The following ERMP1 variants were observed in gnomAD, a reference collection of about 807,000 sequenced individuals.
ERMP1 encodes endoplasmic reticulum metallopeptidase 1, also known as Felix-ina.
Under a neutral mutation model 92.0 loss-of-function variants are expected in ERMP1, and 86 were observed. That is an observed-to-expected ratio of 0.93 (90% CI 0.79 to 1.12). ERMP1 has a LOEUF of 1.12. Ranked by LOEUF, ERMP1 falls within the 50% of genes most tolerant of loss-of-function variation. The pLI is 0.00. For synonymous variants in ERMP1, 530 were observed against 412.8 expected (o/e 1.28, Z -3.44); for missense variants, 1,342 against 1,116.3 (o/e 1.20, Z -2.88).
At chr9:5,796,653 C>G (rs1828435158) in intron 13 of ERMP1, among the ~76,000 whole-genome samples, 1 of 152,088 alleles carries the variant, frequency 6.6e-6, no homozygotes, top group Admixed American at 6.5e-5. Flanking sequence ...GTGCTTCCAG[C>G]TATATGATAC....
chr9:5,825,943 A>G (rs1829717697), intron 2 of ERMP1, among the ~76,000 whole-genome samples: 1 of 152,230 alleles, frequency 6.6e-6, no homozygotes, highest in African/African-American at 2.4e-5. Context: ...GTAAGAGACA[A>G]TTAAAGGAAT....
At chr9:5,796,509 A>C (rs1828430490) in intron 13 of ERMP1, among the ~76,000 whole-genome samples, 2 of 152,188 alleles carry the variant, frequency 1.3e-5, no homozygotes, top group African/African-American at 2.4e-5. Flanking sequence ...AATATGGATA[A>C]CTGCTGTACA....
chr9:5,848,684 C>A (rs1416110737), intron 6 of ERMP1, among the ~76,000 whole-genome samples: 2 of 101,318 alleles, frequency 2.0e-5, no homozygotes, highest in East Asian at 6.0e-4. Flanking sequence ...TAAATGACCT[C>A]TCTCTACCTC....
intron 4 of ERMP1, 111 bp downstream of exon 4, chr9:5,823,785 G>C (rs1586815618): frequency 1.3e-6 from 1 of 761,682 alleles, no homozygotes; most frequent in Non-Finnish European, 2.1e-6. Context: ...GCTTTAAAAA[G>C]AATGCTCATT....
chr9:5,841,166 C>T (rs1034269815), intron 6 of ERMP1, among the ~76,000 whole-genome samples: 1 of 152,126 alleles, frequency 6.6e-6, no homozygotes, highest in African/African-American at 2.4e-5. Flanking sequence ...CTTTAGTTCC[C>T]CTTGGTACAT....
rs189054579 is a variant in ERMP1 at position 5,832,160 on chromosome 9, G to A, written c.338+530C>T. ...CTAAAGATAAACTGCAGGGATCTGA[G>A]AATTTATCAGACTGCATACCAAATT... On this transcript the variant is annotated intron_variant, in intron 1 of 14. Coordinates refer to ENST00000339450, the MANE Select transcript of ERMP1 (RefSeq NM_024896.3). 1.3e-3 allele frequency among the ~76,000 whole-genome samples: 198 copies of A among 151,918 alleles called. 1 individual carries two copies. The highest frequency in any genetic ancestry group is 4.6e-3 in the African/African-American group (190 of 41,420).
intron 5 of ERMP1, 127 bp downstream of exon 5, chr9:5,812,762 C>A: frequency 9.9e-7 from 1 of 1,011,148 alleles, no homozygotes; most frequent in Non-Finnish European, 1.6e-6. Context: ...TTTAGTGAGT[C>A]AATGTATATT....
At chr9:5,789,769 G>C (rs1291651990) in intron 13 of ERMP1, among the ~76,000 whole-genome samples, 3 of 151,844 alleles carry the variant, frequency 2.0e-5, no homozygotes, top group Non-Finnish European at 4.4e-5. Flanking sequence ...CTGCAGCCTT[G>C]ACTTCCTTGG....
intron 6 of ERMP1, among the ~76,000 whole-genome samples, chr9:5,842,882 G>A (rs34384231): frequency 0.019 from 2,902 of 152,284 alleles, 33 homozygotes; most frequent in Middle Eastern, 0.024. Flanking sequence ...TAAGGAAATC[G>A]CTTAATTCAT....
At chr9:5,847,477 G>T (rs1830251283) in intron 6 of ERMP1, among the ~76,000 whole-genome samples, 1 of 152,078 alleles carries the variant, frequency 6.6e-6, no homozygotes, top group African/African-American at 2.4e-5. Context: ...GAGCTCAAGT[G>T]ATCACCTGCC....
chr9:5,801,152 A>T, intron 11 of ERMP1, 24 bp downstream of exon 11: 2 of 1,596,964 alleles, frequency 1.3e-6, no homozygotes, highest in Non-Finnish European at 1.7e-6. Context: ...CCAGATCTCA[A>T]ATACCTCATG....
intron 6 of ERMP1, among the ~76,000 whole-genome samples, chr9:5,855,255 A>T (rs1484979653): frequency 6.6e-6 from 1 of 152,222 alleles, no homozygotes; most frequent in Non-Finnish European, 1.5e-5. Context: ...AGTATGGATG[A>T]AGCAAAAAAG....
chr9:5,807,223 A>G (rs1231179084), intron 8 of ERMP1, among the ~76,000 whole-genome samples: 2 of 152,154 alleles, frequency 1.3e-5, no homozygotes, highest in Non-Finnish European at 2.9e-5. Context: ...TTCTCACAAA[A>G]TCACAAATTC....
At chr9:5,845,256 T>G (rs1005757460) in intron 6 of ERMP1, among the ~76,000 whole-genome samples, 1 of 152,118 alleles carries the variant, frequency 6.6e-6, no homozygotes, top group Non-Finnish European at 1.5e-5. Flanking sequence ...TGACAAATTA[T>G]CTGTGCTCTT....
intron 8 of ERMP1, among the ~76,000 whole-genome samples, chr9:5,808,894 T>A (rs896210206): frequency 6.6e-6 from 1 of 151,894 alleles, no homozygotes; most frequent in Non-Finnish European, 1.5e-5. Context: ...CACACCACCA[T>A]GCCTGGCTAA....
intron 2 of ERMP1, among the ~76,000 whole-genome samples, chr9:5,828,400 T>G (rs777345881): frequency 6.6e-6 from 1 of 152,222 alleles, no homozygotes; most frequent in East Asian, 1.9e-4. Flanking sequence ...GTGTCCCCAC[T>G]TCCCCTTTCC....
intron 10 of ERMP1, among the ~76,000 whole-genome samples, chr9:5,802,423 C>A (rs1828706341): frequency 6.6e-6 from 1 of 152,142 alleles, no homozygotes; most frequent in Non-Finnish European, 1.5e-5. Flanking sequence ...CTCGCTCTGT[C>A]ACCCAGGCTG....
intron 3 of ERMP1, 86 bp from the exon 4 acceptor site, chr9:5,824,087 T>A: frequency 1.0e-6 from 1 of 970,162 alleles, no homozygotes; most frequent in Non-Finnish European, 1.6e-6. Flanking sequence ...AGAGACTACT[T>A]TGATGAGGTA....
chr9:5,803,089 A>G (rs1361099802), intron 10 of ERMP1, among the ~76,000 whole-genome samples: 1 of 152,152 alleles, frequency 6.6e-6, no homozygotes, highest in Non-Finnish European at 1.5e-5. Context: ...CAAGACTTTA[A>G]TTGCTTTCTA....
Sources: gnomAD v4.1 joint callset for allele counts (sites outside exome capture counted in the v4.1 genomes callset) on GRCh38, gnomAD v4.1.1 for gene constraint, MANE v1.5 for transcripts, NCBI Gene and HGNC (gene_info 2026-07-23, HGNC 2026-07-21) for gene names.